Variants in PATJ observed in about 807,000 individuals in gnomAD.
PATJ encodes the protein inaD-like protein.
PATJ carries 190 observed loss-of-function variants against 224.9 expected under a neutral mutation model. The ratio of observed to expected loss-of-function variants is 0.84; its 90% CI spans 0.75 to 0.95. The LOEUF (loss-of-function observed/expected upper bound fraction) is 0.95. PATJ is among the 40% of genes least tolerant of loss of function. The probability of loss-of-function intolerance (pLI) is 0.00; values close to 1 mark genes in which losing one functional copy is unlikely to be tolerated. For missense variants in PATJ, 2,121 were observed against 2,270.3 expected, an observed-to-expected ratio of 0.93 and a Z score of 1.34; for synonymous variants, 769 against 820.3, an observed-to-expected ratio of 0.94 and a Z score of 1.07.
At chr1:62,106,063 A>AT (rs1553268231) in intron 33 of PATJ, among the ~76,000 whole-genome samples, 907 of 39,652 alleles carry the variant, frequency 0.023, 97 homozygotes, top group East Asian at 0.065. Flanking sequence ...AAAAAAAAAA[A>AT]ATATATATAT....
chr1:62,065,960 A>G (rs1656340047), intron 31 of PATJ, among the ~76,000 whole-genome samples: 1 of 152,166 alleles, frequency 6.6e-6, no homozygotes, highest in Non-Finnish European at 1.5e-5. Flanking sequence ...CCTTATTTGC[A>G]CACATAATAA....
chr1:61,866,016 A>G (rs1455298505), intron 20 of PATJ, among the ~76,000 whole-genome samples: 2 of 152,186 alleles, frequency 1.3e-5, no homozygotes, highest in Non-Finnish European at 2.9e-5. Context: ...AGTGTACCAG[A>G]GAACAGATGT....
Position 61,771,562 on chromosome 1 carries a change from G to T in PATJ, c.656G>T (p.Arg219Met). Residue 219 changes from arginine to methionine, a missense_variant, in exon 6 of 44, where the codon AGG (arginine) becomes ATG (methionine). By Grantham distance (91) the Arg-to-Met change is moderately conservative. Transcript: ENST00000642238. ...TTGSLRLIVA[R>M]EPVHTKSSTS... ...GGATCTTTGAGACTGATTGTGGCCAGGGAACCAGTCCACACAAAAAGCAGT... is the reference window on the plus strand; with the variant it reads ...GGATCTTTGAGACTGATTGTGGCCATGGAACCAGTCCACACAAAAAGCAGT... The T allele has an allele frequency of 6.2e-7, 1 of 1,613,036 alleles. No individual in the cohort carries two copies. Among genetic ancestry groups the T allele is most frequent in the Middle Eastern group, 1.7e-4 (1 of 6,060 alleles).
chr1:62,102,997 A>C (rs1478944405), intron 33 of PATJ, among the ~76,000 whole-genome samples: 1 of 152,072 alleles, frequency 6.6e-6, no homozygotes, highest in African/African-American at 2.4e-5. Context: ...AGATCTACAG[A>C]TCATCGCCTC....
At chr1:61,837,890 G>C (rs1269804452) in intron 17 of PATJ, among the ~76,000 whole-genome samples, 1 of 151,842 alleles carries the variant, frequency 6.6e-6, no homozygotes, top group Admixed American at 6.6e-5. Context: ...CAGTGACTCA[G>C]AATATTGATG....
chr1:61,939,333 A>ACACACG (rs1340986016), intron 27 of PATJ, among the ~76,000 whole-genome samples: 3 of 111,848 alleles, frequency 2.7e-5, no homozygotes, highest in East Asian at 5.1e-4. Context: ...ACACACACAC[A>ACACACG]CACACACACA....
chr1:62,092,890 C>T (rs1006780470), intron 33 of PATJ, among the ~76,000 whole-genome samples: 4 of 151,854 alleles, frequency 2.6e-5, no homozygotes, highest in South Asian at 2.1e-4. Context: ...TACAGGCACG[C>T]GCGACCACAC....
chr1:61,814,130 C>CTTTTTTTTTTTTTTTTTTTTTTT (rs762502160), intron 14 of PATJ, among the ~76,000 whole-genome samples: 1 of 85,900 alleles, frequency 1.2e-5, no homozygotes, highest in Non-Finnish European at 2.1e-5. Context: ...TTATTCTCTT[C>CTTTTTTTTTTTTTTTTTTTTTTT]TTTTTTTTTT....
At chr1:62,094,354 A>G (rs1661133121) in intron 33 of PATJ, among the ~76,000 whole-genome samples, 2 of 152,048 alleles carry the variant, frequency 1.3e-5, no homozygotes, top group Non-Finnish European at 1.5e-5. Context: ...TGGTGCCGCC[A>G]CTGCACTCCA....
chr1:61,854,504 C>T (rs1663334306), intron 17 of PATJ, among the ~76,000 whole-genome samples: 1 of 152,184 alleles, frequency 6.6e-6, no homozygotes, highest in African/African-American at 2.4e-5. Context: ...CAATTTACAA[C>T]TCTTTGTTTC....
chr1:62,041,460 G>A (rs1651462470), intron 30 of PATJ, among the ~76,000 whole-genome samples: 1 of 152,164 alleles, frequency 6.6e-6, no homozygotes, highest in East Asian at 1.9e-4. Flanking sequence ...CCCTAATGTG[G>A]CTTGGATGAA....
At chr1:61,862,077 G>T (rs939293024) in intron 19 of PATJ, among the ~76,000 whole-genome samples, 9 of 152,178 alleles carry the variant, frequency 5.9e-5, no homozygotes, top group Admixed American at 5.9e-4. Context: ...TGCCCAGGCT[G>T]GTCTTGAACC....
At chr1:61,742,809 C>T (rs928037255) in intron 1 of PATJ, among the ~76,000 whole-genome samples, 2 of 150,254 alleles carry the variant, frequency 1.3e-5, no homozygotes, top group Admixed American at 1.3e-4. Context: ...GCGGGGGCGC[C>T]GTCCTCCTGC....
intron 15 of PATJ, among the ~76,000 whole-genome samples, chr1:61,826,115 G>T (rs572197351): frequency 6.6e-6 from 1 of 152,232 alleles, no homozygotes; most frequent in Admixed American, 6.5e-5. Flanking sequence ...TAAAGTGCAC[G>T]TGGGTCTCTT....
At chr1:61,791,491 T>A (rs1197147979) in intron 9 of PATJ, 44 bp downstream of exon 9, 2 of 1,233,134 alleles carry the variant, frequency 1.6e-6, no homozygotes, top group Non-Finnish European at 2.4e-6. Context: ...TTGTAAAGGA[T>A]GTTAAGGTTT....
In PATJ at chr1:61,777,362, C is replaced by T. The variant is rs1044822580; in HGVS notation, c.849+2028C>T. Among the ~76,000 whole-genome samples the T allele has an allele frequency of 4.6e-5, 7 of 152,048 alleles. No individual in the cohort carries two copies. The South Asian group carries it at 6.2e-4, about 14-fold the overall frequency. On this transcript the variant is annotated intron_variant, in intron 7 of 43. Transcript: ENST00000642238. ...GGAGGCTCTCTTGAGCCCAGGAGTT[C>T]GATACCAGCCTGTGCAATATGGCAA...
intron 28 of PATJ, among the ~76,000 whole-genome samples, chr1:61,991,182 A>AATG (rs71582656): frequency 0.058 from 8,778 of 151,000 alleles, 598 homozygotes; most frequent in African/African-American, 0.17. Context: ...TAAGAAATGC[A>AATG]ATGATGATGA....
At chr1:62,127,898 GCTAT>G in intron 39 of PATJ, 70 bp from the exon 40 acceptor site, 1 of 1,507,790 alleles carries the variant, frequency 6.6e-7, no homozygotes, top group East Asian at 2.3e-5. Context: ...TGTTCCAACA[GCTAT>G]CTATCTAGGG....
intron 41 of PATJ, among the ~76,000 whole-genome samples, chr1:62,134,332 T>C (rs1230844917): frequency 5.8e-5 from 8 of 137,184 alleles, no homozygotes; most frequent in Non-Finnish European, 1.1e-4. Flanking sequence ...AGCCCTCTCT[T>C]TTTTTTTTTT....
Sources: allele counts gnomAD v4.1 joint callset (sites outside exome capture counted in the v4.1 genomes callset), GRCh38; gene constraint gnomAD v4.1.1; transcripts MANE v1.5; gene names NCBI Gene and HGNC (gene_info 2026-07-23, HGNC 2026-07-21).